Variants in OSBPL10 observed in about 807,000 individuals in gnomAD.
OSBPL10 encodes oxysterol-binding protein-related protein 10.
OSBPL10 carries 49 observed loss-of-function variants against 81.7 expected under a neutral mutation model. That is an observed-to-expected ratio of 0.60 (90% CI 0.48 to 0.76). The LOEUF is 0.76. OSBPL10 is among the 30% of genes least tolerant of loss of function. The pLI is 0.00. For missense variants in OSBPL10, 923 were observed against 987.8 expected, an observed-to-expected ratio of 0.93 and a Z score of 0.88; for synonymous variants, 419 against 383.6, an observed-to-expected ratio of 1.09 and a Z score of -1.08.
At chr3:32,028,710 A>C (rs1699438551) in intron 2 of OSBPL10, among the ~76,000 whole-genome samples, 1 of 151,970 alleles carries the variant, frequency 6.6e-6, no homozygotes, top group Admixed American at 6.6e-5. Context: ...CCTGTTTTAT[A>C]TTTTAACTTG....
intron 10 of OSBPL10, among the ~76,000 whole-genome samples, chr3:31,666,735 A>T (rs1018552338): frequency 1.3e-5 from 2 of 152,178 alleles, no homozygotes; most frequent in African/African-American, 2.4e-5. Flanking sequence ...TTACATACCT[A>T]CGATGTCATT....
chr3:31,691,678 C>G (rs1695555987), intron 7 of OSBPL10, among the ~76,000 whole-genome samples: 1 of 151,984 alleles, frequency 6.6e-6, no homozygotes, highest in African/African-American at 2.4e-5. Flanking sequence ...CTGCAGGGAG[C>G]TATGATTGCA....
At chr3:31,774,032 C>A (rs75404002) in intron 4 of OSBPL10, among the ~76,000 whole-genome samples, 4 of 151,908 alleles carry the variant, frequency 2.6e-5, no homozygotes, top group Non-Finnish European at 5.9e-5. Flanking sequence ...CGTGGTGGCA[C>A]GCGCCTGTAA....
intron 8 of OSBPL10, among the ~76,000 whole-genome samples, chr3:31,671,851 A>G (rs1700330244): frequency 6.6e-6 from 1 of 152,168 alleles, no homozygotes; most frequent in Non-Finnish European, 1.5e-5. Flanking sequence ...AGTTGTATAC[A>G]GAGGCCCTAT....
chr3:32,073,898 G>T (rs923460415), intron 1 of OSBPL10, among the ~76,000 whole-genome samples: 1 of 151,948 alleles, frequency 6.6e-6, no homozygotes, highest in East Asian at 1.9e-4. Context: ...CAATACTTCC[G>T]CCCTGATGAA....
At chr3:31,924,550 C>A (rs1380741220) in intron 1 of OSBPL10, among the ~76,000 whole-genome samples, 1 of 152,158 alleles carries the variant, frequency 6.6e-6, no homozygotes, top group Non-Finnish European at 1.5e-5. Flanking sequence ...CAATTTGGAA[C>A]AAATAGATGC....
Position 31,787,698 on chromosome 3 carries a change from C to T in OSBPL10, c.730-39578G>A, listed in dbSNP as rs569960910. 1.3e-3 allele frequency among the ~76,000 whole-genome samples: 201 copies of T among 152,174 alleles called. 2 individuals are homozygous for T. Among genetic ancestry groups the T allele is most frequent in the African/African-American group, 4.6e-3 (189 of 41,510 alleles). On this transcript the variant is annotated intron_variant, in intron 4 of 11. Coordinates refer to ENST00000396556, the MANE Select transcript of OSBPL10 (RefSeq NM_017784.5). Reference sequence around the variant, plus strand: ...CCAACCCTGTTGATCAGCAAGACAGCAGATCAAAGACAGACCACTCAGTCC... The same window carrying T: ...CCAACCCTGTTGATCAGCAAGACAGTAGATCAAAGACAGACCACTCAGTCC...
At chr3:32,010,956 G>C (rs567893491) in intron 2 of OSBPL10, among the ~76,000 whole-genome samples, 1 of 152,092 alleles carries the variant, frequency 6.6e-6, no homozygotes, top group Non-Finnish European at 1.5e-5. Flanking sequence ...GCTCAAACTG[G>C]TTGGAGCCCA....
chr3:31,815,833 C>T (rs1699821405), intron 4 of OSBPL10, among the ~76,000 whole-genome samples: 1 of 152,310 alleles, frequency 6.6e-6, no homozygotes, highest in East Asian at 1.9e-4. Context: ...CAGCCACTCA[C>T]TCAATATCCA....
intron 1 of OSBPL10, among the ~76,000 whole-genome samples, chr3:31,881,318 G>T (rs934206922): frequency 1.3e-5 from 2 of 152,182 alleles, no homozygotes; most frequent in Admixed American, 1.3e-4. Flanking sequence ...TAAATCCCAC[G>T]TTTCTCCATC....
At chr3:31,970,719 C>A (rs1199749878) in intron 1 of OSBPL10, among the ~76,000 whole-genome samples, 3 of 152,248 alleles carry the variant, frequency 2.0e-5, no homozygotes, top group Admixed American at 2.0e-4. Flanking sequence ...CACAAATACA[C>A]AGGGCCAGCG....
intron 4 of OSBPL10, among the ~76,000 whole-genome samples, chr3:31,750,606 C>T (rs577429893): frequency 6.6e-6 from 1 of 152,214 alleles, no homozygotes; most frequent in Middle Eastern, 3.4e-3. Flanking sequence ...TGTATAAATG[C>T]TAACAGGGAG....
At chr3:32,041,123 C>T (rs980306303) in intron 2 of OSBPL10, among the ~76,000 whole-genome samples, 4 of 152,114 alleles carry the variant, frequency 2.6e-5, no homozygotes, top group Non-Finnish European at 5.9e-5. Flanking sequence ...TCCTCCGTGC[C>T]ACATACACCC....
At chr3:31,829,229 A>C (rs1054932428) in intron 4 of OSBPL10, among the ~76,000 whole-genome samples, 1 of 152,192 alleles carries the variant, frequency 6.6e-6, no homozygotes, top group East Asian at 1.9e-4. Flanking sequence ...TAAGCTGCAG[A>C]GCAAAAAACC....
chr3:31,700,354 TCAGA>T (rs1487625550), intron 7 of OSBPL10: 1 of 152,212 alleles, frequency 6.6e-6, no homozygotes, highest in Non-Finnish European at 1.5e-5. Context: ...GTGAAGTCGC[TCAGA>T]CACTCAGCTT....
intron 8 of OSBPL10, among the ~76,000 whole-genome samples, chr3:31,682,529 G>A (rs955236651): frequency 6.6e-6 from 1 of 152,114 alleles, no homozygotes; most frequent in Admixed American, 6.5e-5. Context: ...GACCTATAAG[G>A]CTTGCCTTAC....
intron 6 of OSBPL10, among the ~76,000 whole-genome samples, chr3:31,725,603 G>A (rs1366361404): frequency 6.6e-6 from 1 of 152,168 alleles, no homozygotes; most frequent in African/African-American, 2.4e-5. Flanking sequence ...TAGCAATCAA[G>A]GCCACAGATG....
chr3:31,963,077 CAA>C (rs1483588410), intron 1 of OSBPL10, among the ~76,000 whole-genome samples: 3 of 151,944 alleles, frequency 2.0e-5, no homozygotes, highest in Admixed American at 6.6e-5. Flanking sequence ...TCAAACTTAC[CAA>C]AGAGTTGCAA....
intron 1 of OSBPL10, among the ~76,000 whole-genome samples, chr3:31,910,615 G>A (rs1274955696): frequency 2.6e-5 from 4 of 151,832 alleles, no homozygotes; most frequent in African/African-American, 7.2e-5. Flanking sequence ...CAGTCTGGGG[G>A]ACAGAGTGAG....
Sources: gnomAD v4.1 joint callset for allele counts (sites outside exome capture counted in the v4.1 genomes callset) on GRCh38, gnomAD v4.1.1 for gene constraint, MANE v1.5 for transcripts, NCBI Gene and HGNC (gene_info 2026-07-23, HGNC 2026-07-21) for gene names.